Variants in TIAM1 observed in about 807,000 individuals in gnomAD.
The protein encoded by TIAM1 is rho guanine nucleotide exchange factor TIAM1.
In TIAM1, 65 loss-of-function variants were observed where a neutral mutation model predicts 163.5. The observed-to-expected ratio is 0.40, with a 90% CI of 0.33 to 0.49. The LOEUF (loss-of-function observed/expected upper bound fraction) is 0.49, where lower values mean the gene tolerates loss of function less well. Among genes scored for constraint, TIAM1 ranks in the 20% least tolerant of loss-of-function variants. The pLI, the probability that TIAM1 is intolerant of heterozygous loss-of-function variation, is 0.77. For missense variants in TIAM1, 1,789 were observed against 2,044.7 expected, an observed-to-expected ratio of 0.87 and a Z score of 2.41; for synonymous variants, 833 against 810.1, an observed-to-expected ratio of 1.03 and a Z score of -0.48.
At position 31,217,625 on chromosome 21, in the gene TIAM1, C is replaced by T. The variant is rs1033300659; in HGVS notation, c.2070G>A (p.Arg690=). 1.2e-6 allele frequency: 2 copies of T among 1,614,112 alleles called. No individual in the cohort carries two copies. The highest frequency in any genetic ancestry group is 2.2e-5 in the East Asian group (1 of 44,870). ...GACCCCACAGAGAAGAAAACCTGCT[C>T]CTTCGCTTGCTCGCGGATCTGGACA... ...QAMSRSASKR[R]SRFSSLWGLD... The change falls in exon 9 of 28, where the codon AGG becomes AGA. Residue 690 remains arginine (R), a synonymous_variant. Transcript: ENST00000541036.
In TIAM1 at chr21:31,118,535, T is replaced by C. The variant is rs972712878; in HGVS notation, c.*1833A>G. 2.4e-5 allele frequency: 11 copies of C among 462,656 alleles called. No individual in the cohort carries two copies. In the East Asian group the frequency reaches 3.5e-4, roughly 15 times the overall value. The allele number at this position is 462,656 out of a possible 1,614,324, so 28.7% of individuals were successfully genotyped here. A position where few individuals can be genotyped will look rare whatever the true frequency, so the allele number is the denominator to read the frequency against. ...AAGAAATATATAAGAACTTTTGACA[T>C]AGACACGTCATGACCTTATGTACAA... On this transcript the variant is annotated 3_prime_UTR_variant, in exon 28 of 28. Coordinates refer to ENST00000541036, the MANE Select transcript of TIAM1 (RefSeq NM_001353694.2).
intron 2 of TIAM1, among the ~76,000 whole-genome samples, chr21:31,431,091 T>C (rs543531858): frequency 2.0e-4 from 30 of 152,322 alleles, no homozygotes; most frequent in African/African-American, 7.0e-4. Context: ...CTTCTGCATG[T>C]ATGGGTCTCC....
intron 11 of TIAM1, among the ~76,000 whole-genome samples, chr21:31,204,238 A>G (rs1475781690): frequency 1.3e-5 from 2 of 152,186 alleles, no homozygotes; most frequent in Non-Finnish European, 2.9e-5. Context: ...CTAAAGCGCT[A>G]ATAGATAGAA....
chr21:31,396,685 C>T (rs1231783034), intron 2 of TIAM1, among the ~76,000 whole-genome samples: 1 of 151,448 alleles, frequency 6.6e-6, no homozygotes, highest in Non-Finnish European at 1.5e-5. Flanking sequence ...CGCGGTGGCT[C>T]ATGCCTGTAA....
chr21:31,533,051 A>G (rs985003811), intron 1 of TIAM1, among the ~76,000 whole-genome samples: 1 of 152,224 alleles, frequency 6.6e-6, no homozygotes, highest in Non-Finnish European at 1.5e-5. Flanking sequence ...GTATCTCAAC[A>G]TAATCATGCC....
At chr21:31,312,790 C>T (rs1281626052) in intron 2 of TIAM1, among the ~76,000 whole-genome samples, 2 of 152,074 alleles carry the variant, frequency 1.3e-5, no homozygotes, top group Non-Finnish European at 2.9e-5. Flanking sequence ...GAGGATTCTG[C>T]TAGATACAGT....
chr21:31,311,753 C>A (rs2074938194), intron 2 of TIAM1, among the ~76,000 whole-genome samples: 1 of 152,176 alleles, frequency 6.6e-6, no homozygotes, highest in Non-Finnish European at 1.5e-5. Context: ...TGAGTGTCAA[C>A]TTGATTGGAT....
intron 2 of TIAM1, among the ~76,000 whole-genome samples, chr21:31,365,982 G>A (rs1236119845): frequency 6.6e-6 from 1 of 150,664 alleles, no homozygotes; most frequent in Non-Finnish European, 1.5e-5. Context: ...CAGCTACTCA[G>A]GAGGCTGAGG....
intron 1 of TIAM1, among the ~76,000 whole-genome samples, chr21:31,503,246 A>T (rs1250615326): frequency 1.3e-5 from 2 of 151,638 alleles, no homozygotes; most frequent in African/African-American, 4.8e-5. Flanking sequence ...AATAAAAAAA[A>T]TAGCCAGGTG....
chr21:31,421,713 G>C (rs544466568), intron 2 of TIAM1, among the ~76,000 whole-genome samples: 5 of 152,176 alleles, frequency 3.3e-5, no homozygotes, highest in African/African-American at 1.2e-4. Flanking sequence ...CATGCCAGCC[G>C]GCTGCAGTGG....
intron 12 of TIAM1, among the ~76,000 whole-genome samples, chr21:31,201,265 G>A (rs927213654): frequency 6.6e-6 from 1 of 152,128 alleles, no homozygotes; most frequent in African/African-American, 2.4e-5. Flanking sequence ...TCATACAGCA[G>A]CACCAAGACT....
At chr21:31,187,533 AC>A (rs1225167702) in intron 13 of TIAM1, among the ~76,000 whole-genome samples, 1 of 152,206 alleles carries the variant, frequency 6.6e-6, no homozygotes, top group East Asian at 1.9e-4. Flanking sequence ...CTATATGGAC[AC>A]TGCTTTAATA....
At chr21:31,529,124 T>C (rs2047891091) in intron 1 of TIAM1, among the ~76,000 whole-genome samples, 1 of 151,856 alleles carries the variant, frequency 6.6e-6, no homozygotes, top group Non-Finnish European at 1.5e-5. Flanking sequence ...TTTCACCGTG[T>C]TAGCCAGGAT....
At chr21:31,208,580 A>G (rs905758946) in intron 11 of TIAM1, among the ~76,000 whole-genome samples, 3 of 152,246 alleles carry the variant, frequency 2.0e-5, no homozygotes, top group Admixed American at 6.5e-5. Flanking sequence ...TGAAGGATTC[A>G]AAGCACACAG....
In TIAM1 at chr21:31,251,991, G is replaced by T. The variant is rs1222262650; in HGVS notation, c.1162C>A (p.Arg388=). The part of the protein sequence containing the change: ...AARQGVYENF[R]RELEMSTTNS... ...GTGGTGCTCATCTCCAGCTCCCGCC[G>T]GAAGTTCTCGTACACCCCCTGACGA... Residue 388 remains arginine (R), a synonymous_variant, in exon 5 of 28, where the codon CGG becomes AGG. Coordinates refer to ENST00000541036, the MANE Select transcript of TIAM1 (RefSeq NM_001353694.2). 6.2e-7 allele frequency: 1 copy of T among 1,613,934 alleles called. No individual in the cohort carries two copies. The highest frequency in any genetic ancestry group is 1.1e-5 in the South Asian group (1 of 91,076).
Position 31,141,280 on chromosome 21 carries a change from C to A in TIAM1, c.3656-44G>T, listed in dbSNP as rs755916220. On this transcript the variant is annotated intron_variant, in intron 21 of 27. Transcript: ENST00000541036. The surrounding 1 kb of genome is among the most constrained non-coding windows in gnomAD (Gnocchi z 4.7). ...TGAAATGAGAGGCTATTTAGAGACCCTCATGGAGACTCAGGCCTGCCGGGG... is the reference window on the plus strand; with the variant it reads ...TGAAATGAGAGGCTATTTAGAGACCATCATGGAGACTCAGGCCTGCCGGGG... 1.1e-5 allele frequency: 18 copies of A among 1,613,576 alleles called. No individual in the cohort carries two copies. Among genetic ancestry groups the A allele is most frequent in the Non-Finnish European group, 1.4e-5 (17 of 1,179,748 alleles).
At chr21:31,493,113 C>T (rs2046528721) in intron 1 of TIAM1, among the ~76,000 whole-genome samples, 1 of 152,086 alleles carries the variant, frequency 6.6e-6, no homozygotes, top group Admixed American at 6.6e-5. Context: ...CTCAATCCTG[C>T]GTAATCTGAG....
At chr21:31,267,608 T>C (rs2072855655) in intron 3 of TIAM1, among the ~76,000 whole-genome samples, 1 of 151,138 alleles carries the variant, frequency 6.6e-6, no homozygotes, top group Admixed American at 6.6e-5. Flanking sequence ...CTGATCAACT[T>C]TTCCTAGTAA....
At chr21:31,250,721 A>C (rs2071753975) in intron 5 of TIAM1, among the ~76,000 whole-genome samples, 1 of 152,172 alleles carries the variant, frequency 6.6e-6, no homozygotes, top group Admixed American at 6.5e-5. Context: ...TGGGAAGAAA[A>C]GTCTGTGTGT....
Sources: gnomAD v4.1 joint callset for allele counts (sites outside exome capture counted in the v4.1 genomes callset) on GRCh38, gnomAD v4.1.1 for gene constraint, Gnocchi (gnomAD v3.1) non-coding constraint, MANE v1.5 for transcripts, NCBI Gene and HGNC (gene_info 2026-07-23, HGNC 2026-07-21) for gene names.